The following RASEF variants were observed in gnomAD, a reference collection of about 807,000 sequenced individuals.
RASEF encodes ras and EF-hand domain-containing protein.
In RASEF, 68 loss-of-function variants were observed where a neutral mutation model predicts 90.1. That is an observed-to-expected ratio of 0.75 (90% CI 0.62 to 0.92). The LOEUF (loss-of-function observed/expected upper bound fraction) is 0.92, where lower values mean the gene tolerates loss of function less well. RASEF is among the 40% of genes least tolerant of loss of function. The pLI is 0.00. For synonymous variants in RASEF, 331 were observed against 345.2 expected (o/e 0.96, Z 0.46); for missense variants, 949 against 937.2 (o/e 1.01, Z -0.16).
chr9:83,169,651 GATGATATCTCACTGTGGTTTTGATTTGCA>G, the RASEF span, among the ~76,000 whole-genome samples: 1 of 152,052 alleles, frequency 6.6e-6, no homozygotes. Context: ...ACTCTGGGAA[GATGATATCTCACTGTGGTTTTGATTTGCA>G]TCTCCTTAAT....
At chr9:83,016,758 G>C (rs542235536) in intron 3 of RASEF, among the ~76,000 whole-genome samples, 1 of 152,252 alleles carries the variant, frequency 6.6e-6, no homozygotes, top group Admixed American at 6.5e-5. Flanking sequence ...CAGTCTGCTA[G>C]AGAGTAAGGT....
chr9:83,058,172 CTTTTTTTTTTTTTTTTTTTT>C (rs555842009), intron 1 of RASEF, among the ~76,000 whole-genome samples: 1 of 57,888 alleles, frequency 1.7e-5, no homozygotes, highest in Non-Finnish European at 3.3e-5. Context: ...GTATTTATGT[CTTTTTTTTTTTTTTTTTTTT>C]TTTTTTTTGA....
intron 1 of RASEF, among the ~76,000 whole-genome samples, chr9:83,049,025 G>A (rs1829985980): frequency 6.6e-6 from 1 of 151,624 alleles, no homozygotes; most frequent in Non-Finnish European, 1.5e-5. Context: ...TCGGGAGGCT[G>A]AGGCAGGAGA....
chr9:83,115,592 C>A, the RASEF span, among the ~76,000 whole-genome samples: 1 of 152,146 alleles, frequency 6.6e-6, no homozygotes, highest in African/African-American at 2.4e-5. Flanking sequence ...TCTTTGAGAA[C>A]ACTTGAATAT....
At chr9:82,985,368 C>T (rs1021856287) in intron 16 of RASEF, among the ~76,000 whole-genome samples, 3 of 152,090 alleles carry the variant, frequency 2.0e-5, no homozygotes, top group African/African-American at 7.2e-5. Context: ...TTCACTATCA[C>T]GAGAATAGCA....
the RASEF span, among the ~76,000 whole-genome samples, chr9:83,103,279 C>T: frequency 6.6e-6 from 1 of 152,042 alleles, no homozygotes; most frequent in South Asian, 2.1e-4. Context: ...TTTAAACAAT[C>T]GGCTTATTAG....
the RASEF span, among the ~76,000 whole-genome samples, chr9:83,199,552 C>T: frequency 6.6e-6 from 1 of 152,156 alleles, no homozygotes. Flanking sequence ...GACACGCCAA[C>T]AAAATGCACT....
At position 83,000,523 on chromosome 9, in the gene RASEF, A is replaced by G; in HGVS notation, c.1485T>C (p.Ala495=). 1.2e-6 allele frequency: 2 copies of G among 1,613,886 alleles called. No individual in the cohort carries two copies. The highest frequency in any genetic ancestry group is 1.7e-6 in the Non-Finnish European group (2 of 1,179,858). ...CTTGGGGCTTCCAGTCTAAGACGGA[A>G]GCCACATCTTCTAAACCAAATGTCT... ...DEETFGLEDV[A]SVLDWKPQGS... The change falls in exon 11 of 17, where the codon GCT becomes GCC. Residue 495 remains alanine (A), a synonymous_variant. Coordinates refer to ENST00000376447, the MANE Select transcript of RASEF (RefSeq NM_152573.4).
chr9:83,118,079 C>T, the RASEF span, among the ~76,000 whole-genome samples: 1 of 152,034 alleles, frequency 6.6e-6, no homozygotes, highest in South Asian at 2.1e-4. Context: ...TAATAAAATA[C>T]CAAATAATGT....
At chr9:83,085,069 T>C in the RASEF span, among the ~76,000 whole-genome samples, 1 of 152,110 alleles carries the variant, frequency 6.6e-6, no homozygotes, top group Admixed American at 6.6e-5. Flanking sequence ...AAAAGATATA[T>C]CCCAGTAAGA....
At chr9:83,159,952 C>G in the RASEF span, among the ~76,000 whole-genome samples, 1 of 152,216 alleles carries the variant, frequency 6.6e-6, no homozygotes, top group Non-Finnish European at 1.5e-5. Flanking sequence ...CCTGCACAAG[C>G]TCTCTTCTCT....
At chr9:83,079,431 G>A in the RASEF span, among the ~76,000 whole-genome samples, 11 of 152,098 alleles carry the variant, frequency 7.2e-5, no homozygotes, top group Admixed American at 1.3e-4. Flanking sequence ...GTACCATGAC[G>A]TTTTGGTCAC....
At chr9:83,135,287 A>T in the RASEF span, among the ~76,000 whole-genome samples, 1 of 152,098 alleles carries the variant, frequency 6.6e-6, no homozygotes, top group African/African-American at 2.4e-5. Context: ...CATAGGTGTG[A>T]ATTGAACAAT....
chr9:83,160,957 G>C, the RASEF span, among the ~76,000 whole-genome samples: 1 of 152,176 alleles, frequency 6.6e-6, no homozygotes, highest in African/African-American at 2.4e-5. Flanking sequence ...CAGAAGTCAA[G>C]AACTGAGGTT....
chr9:83,158,545 T>TAC, the RASEF span, among the ~76,000 whole-genome samples: 6 of 148,762 alleles, frequency 4.0e-5, no homozygotes, highest in African/African-American at 1.2e-4. Context: ...CACACACACA[T>TAC]ACACACACAC....
intron 10 of RASEF, 79 bp from the exon 11 acceptor site, chr9:83,000,649 G>A (rs1311918891): frequency 6.9e-6 from 9 of 1,305,904 alleles, no homozygotes; most frequent in Non-Finnish European, 9.4e-6. Context: ...TATACATTAT[G>A]GATTAAAAAG....
At chr9:82,997,519 G>T (rs969772383) in intron 13 of RASEF, among the ~76,000 whole-genome samples, 1 of 152,144 alleles carries the variant, frequency 6.6e-6, no homozygotes, top group South Asian at 2.1e-4. Flanking sequence ...TTTGGTGGTG[G>T]TGGTGGTTAG....
the RASEF span, among the ~76,000 whole-genome samples, chr9:83,095,392 A>G: frequency 6.6e-6 from 1 of 151,098 alleles, no homozygotes; most frequent in Admixed American, 6.6e-5. Flanking sequence ...CAATGGCAGT[A>G]GTGGACTACT....
the RASEF span, among the ~76,000 whole-genome samples, chr9:83,199,236 A>T: frequency 3.0e-4 from 17 of 57,276 alleles, no homozygotes; most frequent in East Asian, 2.0e-3. Context: ...AAAAAAAAAA[A>T]AAAAAAAAAA....
Sources: allele counts gnomAD v4.1 joint callset (sites outside exome capture counted in the v4.1 genomes callset), GRCh38; gene constraint gnomAD v4.1.1; transcripts MANE v1.5; gene names NCBI Gene and HGNC (gene_info 2026-07-23, HGNC 2026-07-21).